POU3F3: variants seen among roughly 807,000 people sequenced by gnomAD.
POU3F3 encodes POU domain, class 3, transcription factor 3.
Under a neutral mutation model 8.6 loss-of-function variants are expected in POU3F3, and 1 was observed. The observed-to-expected ratio is 0.12, with a 90% confidence interval of 0.04 to 0.55. The LOEUF (loss-of-function observed/expected upper bound fraction) is 0.55. Among genes scored for constraint, POU3F3 ranks in the 20% least tolerant of loss-of-function variants. POU3F3 has a pLI of 0.91. For missense variants in POU3F3, 577 were observed against 690.7 expected (o/e 0.84, Z 1.84); for synonymous variants, 418 against 327.4 (o/e 1.28, Z -2.99).
chr2:104,883,920 A>G, the POU3F3 span, among the ~76,000 whole-genome samples: 1 of 152,152 alleles, frequency 6.6e-6, no homozygotes, highest in African/African-American at 2.4e-5. Flanking sequence ...TAGCTCAAGG[A>G]CAGAACTAGG....
the POU3F3 span, among the ~76,000 whole-genome samples, chr2:104,898,363 C>T: frequency 6.6e-6 from 1 of 152,096 alleles, no homozygotes. Context: ...AATGAAGATA[C>T]GTTTTCCTGG....
At chr2:104,888,263 A>G in the POU3F3 span, among the ~76,000 whole-genome samples, 1 of 152,354 alleles carries the variant, frequency 6.6e-6, no homozygotes, top group South Asian at 2.1e-4. Flanking sequence ...GTTAACGTTT[A>G]TTACGAAGGT....
At chr2:104,880,790 G>A in the POU3F3 span, among the ~76,000 whole-genome samples, 9 of 152,146 alleles carry the variant, frequency 5.9e-5, no homozygotes, top group African/African-American at 2.2e-4. Flanking sequence ...ACCATGTCAC[G>A]TCTTCTGTGG....
the POU3F3 span, among the ~76,000 whole-genome samples, chr2:104,875,534 T>A: frequency 2.2e-4 from 33 of 152,230 alleles, no homozygotes; most frequent in Non-Finnish European, 3.5e-4. Context: ...GTAACAGCCA[T>A]CCCAGTTGGT....
At chr2:104,918,320 A>G in the POU3F3 span, among the ~76,000 whole-genome samples, 12 of 152,366 alleles carry the variant, frequency 7.9e-5, no homozygotes, top group African/African-American at 2.9e-4. Context: ...TGACATACCT[A>G]TAATACAATG....
chr2:104,918,141 G>A, the POU3F3 span, among the ~76,000 whole-genome samples: 1 of 152,200 alleles, frequency 6.6e-6, no homozygotes, highest in Non-Finnish European at 1.5e-5. Context: ...CACACTCACT[G>A]ACTTCCCAAG....
chr2:104,878,414 T>C, the POU3F3 span, among the ~76,000 whole-genome samples: 1 of 152,214 alleles, frequency 6.6e-6, no homozygotes, highest in African/African-American at 2.4e-5. Flanking sequence ...AGAAATATTG[T>C]CTACCTGCAC....
In POU3F3 at chr2:104,855,909, C is replaced by CA; in HGVS notation, c.399_400insA (p.Gln134ThrfsTer506). On this transcript the variant is annotated frameshift_variant, in exon 1 of 1. Coordinates refer to ENST00000361360, the MANE Select transcript of POU3F3 (RefSeq NM_006236.3). LOFTEE classifies it low-confidence loss of function (END_TRUNC). ...GCGCCGTGGGCATGGCTGGCAGCCC[C>CA]CAGCAGCCACCGCAGCCGCCGCCGC... 1.9e-6 allele frequency: 2 copies of CA among 1,069,216 alleles called. No homozygotes were observed. The highest frequency in any genetic ancestry group is 2.9e-5 in the South Asian group (1 of 34,980). The allele number at this position is 1,069,216 out of a possible 1,614,324, so 66.2% of individuals were successfully genotyped here. A position where few individuals can be genotyped will look rare whatever the true frequency, so the allele number is the denominator to read the frequency against.
chr2:104,897,253 T>A, the POU3F3 span, among the ~76,000 whole-genome samples: 1 of 151,730 alleles, frequency 6.6e-6, no homozygotes, highest in Non-Finnish European at 1.5e-5. Context: ...CTACTAAGAG[T>A]CAGAATGAAG....
At chr2:104,881,490 A>G in the POU3F3 span, among the ~76,000 whole-genome samples, 1 of 152,050 alleles carries the variant, frequency 6.6e-6, no homozygotes, top group Non-Finnish European at 1.5e-5. Flanking sequence ...TGCAATGGTT[A>G]CACAGACGTT....
the POU3F3 span, chr2:104,867,455 C>T: frequency 6.6e-6 from 1 of 152,370 alleles, no homozygotes; most frequent in Non-Finnish European, 1.5e-5. This position sits in a 1 kb window ranked among gnomAD's most constrained non-coding sequence, Gnocchi z 5.0. Flanking sequence ...GGCGTGTCCC[C>T]AGCTCCCGGG....
At chr2:104,890,972 C>T in the POU3F3 span, among the ~76,000 whole-genome samples, 2 of 152,168 alleles carry the variant, frequency 1.3e-5, no homozygotes, top group Non-Finnish European at 1.5e-5. Flanking sequence ...CCAGACTGGC[C>T]TAGATTGACT....
downstream of POU3F3, among the ~76,000 whole-genome samples, chr2:104,862,142 G>A (rs1200940313): frequency 6.6e-6 from 1 of 152,210 alleles, no homozygotes; most frequent in African/African-American, 2.4e-5. Context: ...ATCCTAAAAT[G>A]CGGGCGCGAG....
At chr2:104,865,427 T>C in the POU3F3 span, 2 of 152,232 alleles carry the variant, frequency 1.3e-5, no homozygotes, top group Admixed American at 1.3e-4. Flanking sequence ...CATGTTTCTT[T>C]ATTGTAGCTA....
At chr2:104,860,663 C>G (rs1366089053), downstream of POU3F3, among the ~76,000 whole-genome samples, 1 of 150,696 alleles carries the variant, frequency 6.6e-6, no homozygotes, top group Admixed American at 6.6e-5. Flanking sequence ...AAGCCTCCGT[C>G]GCTCCCACAA....
the POU3F3 span, among the ~76,000 whole-genome samples, chr2:104,897,481 G>A: frequency 6.6e-6 from 1 of 152,068 alleles, no homozygotes; most frequent in African/African-American, 2.4e-5. Flanking sequence ...GAAGGAAGGG[G>A]AAAACCCCCC....
the POU3F3 span, among the ~76,000 whole-genome samples, chr2:104,910,695 T>A: frequency 6.6e-6 from 1 of 152,154 alleles, no homozygotes; most frequent in African/African-American, 2.4e-5. Context: ...AATGGAAGAA[T>A]GGTTTCGAAT....
the POU3F3 span, among the ~76,000 whole-genome samples, chr2:104,909,216 C>A: frequency 1.3e-5 from 2 of 152,180 alleles, no homozygotes; most frequent in African/African-American, 2.4e-5. Flanking sequence ...AAGACAATTA[C>A]CCCAGGGCCT....
chr2:104,883,262 A>C, the POU3F3 span, among the ~76,000 whole-genome samples: 10 of 152,334 alleles, frequency 6.6e-5, no homozygotes, highest in East Asian at 1.5e-3. Flanking sequence ...GCAGCACAGC[A>C]TCATGTGTGA....
Sources: allele counts gnomAD v4.1 joint callset (sites outside exome capture counted in the v4.1 genomes callset), GRCh38; gene constraint gnomAD v4.1.1; non-coding constraint Gnocchi (gnomAD v3.1); transcripts MANE v1.5; gene names NCBI Gene and HGNC (gene_info 2026-07-23, HGNC 2026-07-21).